Variants in CAP2 observed in about 807,000 individuals in gnomAD.
The protein encoded by CAP2 is adenylyl cyclase-associated protein 2.
CAP2 carries 24 observed loss-of-function variants against 57.7 expected under a neutral mutation model. That is an observed-to-expected ratio of 0.42 (90% CI 0.30 to 0.58). CAP2 has a LOEUF of 0.58. Ranked by LOEUF, CAP2 falls within the 20% of genes least tolerant of loss-of-function variation. The pLI, the probability that CAP2 is intolerant of heterozygous loss-of-function variation, is 0.22. For missense variants in CAP2, 501 were observed against 590.3 expected (o/e 0.85, Z 1.57); for synonymous variants, 194 against 207.2 (o/e 0.94, Z 0.55).
intron 4 of CAP2, among the ~76,000 whole-genome samples, chr6:17,501,450 A>AT (rs1343051493): frequency 2.6e-5 from 4 of 152,118 alleles, no homozygotes; most frequent in Non-Finnish European, 5.9e-5. Context: ...GCATATATTG[A>AT]TTTTTATAAT....
At chr6:17,394,001 C>G (rs1242820759) in intron 1 of CAP2, among the ~76,000 whole-genome samples, 1 of 148,924 alleles carries the variant, frequency 6.7e-6, no homozygotes, top group African/African-American at 2.4e-5. Flanking sequence ...GCGCCCTGCC[C>G]CCGCCTCCCC....
chr6:17,505,019 C>T (rs1761940464), intron 4 of CAP2, among the ~76,000 whole-genome samples: 1 of 152,108 alleles, frequency 6.6e-6, no homozygotes, highest in East Asian at 1.9e-4. Context: ...GGGACAACAT[C>T]CTTTTTACCT....
chr6:17,509,896 A>G (rs1421625375), intron 6 of CAP2, among the ~76,000 whole-genome samples: 3 of 152,152 alleles, frequency 2.0e-5, no homozygotes, highest in Non-Finnish European at 4.4e-5. Context: ...AAAAAAAAGA[A>G]TGAAGTATTG....
chr6:17,501,606 G>A (rs1008423976), intron 4 of CAP2, among the ~76,000 whole-genome samples: 1 of 152,198 alleles, frequency 6.6e-6, no homozygotes, highest in Non-Finnish European at 1.5e-5. Flanking sequence ...AACTCCCAGA[G>A]TTTGTGCCGT....
chr6:17,416,578 C>T (rs557619928), intron 1 of CAP2, among the ~76,000 whole-genome samples: 2 of 152,094 alleles, frequency 1.3e-5, no homozygotes, highest in African/African-American at 2.4e-5. Flanking sequence ...AAAGTAAACC[C>T]GTGTATTTTT....
intron 4 of CAP2, among the ~76,000 whole-genome samples, chr6:17,490,144 C>T (rs1016357482): frequency 2.0e-5 from 3 of 152,128 alleles, no homozygotes; most frequent in Admixed American, 2.0e-4. Flanking sequence ...TCCTAAATTA[C>T]CCTGGAATGC....
chr6:17,496,433 C>T (rs1761670744), intron 4 of CAP2, among the ~76,000 whole-genome samples: 1 of 152,154 alleles, frequency 6.6e-6, no homozygotes, highest in Non-Finnish European at 1.5e-5. Flanking sequence ...TCATGTTGAG[C>T]TACTCACCAA....
intron 7 of CAP2, among the ~76,000 whole-genome samples, chr6:17,526,004 T>A (rs747629575): frequency 3.9e-5 from 6 of 152,164 alleles, no homozygotes; most frequent in Non-Finnish European, 8.8e-5. Flanking sequence ...ACAGATAGGA[T>A]TCAAACACAT....
intron 12 of CAP2, 54 bp from the exon 13 acceptor site, chr6:17,556,300 CTTAGT>C: frequency 8.2e-7 from 1 of 1,226,438 alleles, no homozygotes; most frequent in South Asian, 1.2e-5. Context: ...AAAAGGAAGC[CTTAGT>C]TTAAATAACT....
chr6:17,449,784 G>A (rs953978053), intron 3 of CAP2, among the ~76,000 whole-genome samples: 3 of 152,122 alleles, frequency 2.0e-5, no homozygotes, highest in Non-Finnish European at 4.4e-5. Context: ...ATGGCAAGTG[G>A]TCCCTAATAT....
intron 3 of CAP2, among the ~76,000 whole-genome samples, chr6:17,431,652 T>C (rs954309150): frequency 1.3e-5 from 2 of 152,186 alleles, no homozygotes; most frequent in African/African-American, 2.4e-5. Flanking sequence ...ATGAGAAGTC[T>C]CTGTTCCTCT....
chr6:17,480,474 C>T (rs1357322342), intron 4 of CAP2, among the ~76,000 whole-genome samples: 1 of 152,124 alleles, frequency 6.6e-6, no homozygotes, highest in South Asian at 2.1e-4. Context: ...AAAAGATAAA[C>T]CTAAACCTGG....
intron 9 of CAP2, 53 bp from the exon 10 acceptor site, chr6:17,542,784 G>A (rs778176298): frequency 2.1e-6 from 3 of 1,437,066 alleles, no homozygotes; most frequent in Non-Finnish European, 1.9e-6. Context: ...AGTGTGCAGT[G>A]GTTTCTGTTT....
At chr6:17,474,240 G>A (rs980117119) in intron 4 of CAP2, among the ~76,000 whole-genome samples, 1 of 121,226 alleles carries the variant, frequency 8.2e-6, no homozygotes, top group Non-Finnish European at 1.6e-5. Flanking sequence ...TTCCCCTAGT[G>A]CAGCTTCATG....
At chr6:17,496,027 T>TC (rs1554127012) in intron 4 of CAP2, among the ~76,000 whole-genome samples, 1 of 44,314 alleles carries the variant, frequency 2.3e-5, no homozygotes. Flanking sequence ...CGTGTGTGGG[T>TC]GGGGGGGGGG....
chr6:17,403,221 C>T (rs1430043893), intron 1 of CAP2, among the ~76,000 whole-genome samples: 2 of 152,214 alleles, frequency 1.3e-5, no homozygotes, highest in Admixed American at 1.3e-4. Flanking sequence ...CATGCATCAG[C>T]CTCCTGGCTA....
At chr6:17,413,400 G>T (rs1319127471) in intron 1 of CAP2, among the ~76,000 whole-genome samples, 1 of 152,150 alleles carries the variant, frequency 6.6e-6, no homozygotes, top group Non-Finnish European at 1.5e-5. Flanking sequence ...AGATACGAAG[G>T]CGGGCACCTT....
In CAP2 at chr6:17,482,951, C is replaced by T. The variant is rs554352707; in HGVS notation, c.300+19878C>T. On this transcript the variant is annotated intron_variant, in intron 4 of 12. Coordinates refer to ENST00000229922, the MANE Select transcript of CAP2 (RefSeq NM_006366.3). ...ATTGTTATTATCTGTGTAATGCAGG[C>T]GTCATTTGGGCCAGTTGTTTAGCGT... Among the ~76,000 whole-genome samples the T allele has an allele frequency of 5.2e-4, 79 of 152,362 alleles. 1 individual carries two copies. Among genetic ancestry groups the T allele is most frequent in the Middle Eastern group, 6.8e-3 (2 of 294 alleles).
intron 4 of CAP2, among the ~76,000 whole-genome samples, chr6:17,471,621 A>G (rs1761020797): frequency 1.3e-5 from 2 of 152,104 alleles, no homozygotes; most frequent in Admixed American, 6.5e-5. Flanking sequence ...TCGCGAGGTC[A>G]GGAGATCGAG....
Sources: allele counts gnomAD v4.1 joint callset (sites outside exome capture counted in the v4.1 genomes callset), GRCh38; gene constraint gnomAD v4.1.1; transcripts MANE v1.5; gene names NCBI Gene and HGNC (gene_info 2026-07-23, HGNC 2026-07-21).